The following CYTH1 variants were observed in gnomAD, a reference collection of about 807,000 sequenced individuals.
The protein encoded by CYTH1 is cytohesin 1.
In CYTH1, 18 loss-of-function variants were observed where a neutral mutation model predicts 61.8. The observed-to-expected ratio is 0.29, with a 90% CI of 0.20 to 0.43. The LOEUF (loss-of-function observed/expected upper bound fraction) is 0.43, where lower values mean the gene tolerates loss of function less well. CYTH1 is among the 20% of genes least tolerant of loss of function. The pLI, the probability that CYTH1 is intolerant of heterozygous loss-of-function variation, is 1.00. For missense variants in CYTH1, 336 were observed against 510.5 expected, an observed-to-expected ratio of 0.66 and a Z score of 3.29; for synonymous variants, 174 against 184.3, an observed-to-expected ratio of 0.94 and a Z score of 0.45.
intron 10 of CYTH1, among the ~76,000 whole-genome samples, chr17:78,695,059 C>T (rs1252939277): frequency 3.3e-5 from 5 of 152,076 alleles, no homozygotes; most frequent in Admixed American, 6.5e-5. Flanking sequence ...TGAGAACAAC[C>T]TGACAAGTCC....
intron 1 of CYTH1, among the ~76,000 whole-genome samples, chr17:78,733,615 G>A (rs1272651742): frequency 6.6e-6 from 1 of 152,258 alleles, no homozygotes; most frequent in Non-Finnish European, 1.5e-5. Flanking sequence ...ATGTAAGCCC[G>A]TAGCAGCAGC....
intron 1 of CYTH1, among the ~76,000 whole-genome samples, chr17:78,752,382 A>G (rs1400420880): frequency 6.6e-6 from 1 of 152,212 alleles, no homozygotes; most frequent in African/African-American, 2.4e-5. Flanking sequence ...ATCAATAAAG[A>G]GTACCAGGGC....
chr17:78,712,776 G>A (rs1318049963), intron 1 of CYTH1, among the ~76,000 whole-genome samples: 2 of 152,058 alleles, frequency 1.3e-5, no homozygotes, highest in African/African-American at 2.4e-5. Flanking sequence ...TTCCTTTAGA[G>A]GCTGGAAGAG....
chr17:78,685,124 G>A (rs1158114496), intron 11 of CYTH1, among the ~76,000 whole-genome samples: 1 of 151,226 alleles, frequency 6.6e-6, no homozygotes, highest in African/African-American at 2.4e-5. Flanking sequence ...TCTTGAATCC[G>A]GGAGGCGGAG....
chr17:78,686,831 G>A (rs1174158888), intron 11 of CYTH1, among the ~76,000 whole-genome samples: 1 of 152,070 alleles, frequency 6.6e-6, no homozygotes, highest in Non-Finnish European at 1.5e-5. Context: ...GCCCAGGCTG[G>A]AGTGCAATGG....
chr17:78,676,284 C>A lies in CYTH1; in HGVS notation c.1119-115G>T, dbSNP rs143867049. 5.6e-4 allele frequency: 544 copies of A among 974,018 alleles called. 7 individuals carry two copies. The African/African-American group carries it at 7.7e-3, about 14-fold the overall frequency. 60.3% of individuals were successfully genotyped at this position (974,018 alleles called of 1,614,324 possible). The stretch of plus-strand genomic sequence containing the variant: ...GCCCCAGAACACCTGTCCCACCCCA[C>A]CATCACTGCAAAGGCCAAGTTAGCG... On this transcript the variant is annotated intron_variant, in intron 13 of 13. Coordinates refer to ENST00000446868, the MANE Select transcript of CYTH1 (RefSeq NM_004762.6).
intron 13 of CYTH1, among the ~76,000 whole-genome samples, chr17:78,679,055 G>T (rs1418371071): frequency 6.6e-6 from 1 of 152,166 alleles, no homozygotes; most frequent in African/African-American, 2.4e-5. Flanking sequence ...TCAGTTTTAA[G>T]GTATTTAGCT....
intron 1 of CYTH1, among the ~76,000 whole-genome samples, chr17:78,749,453 C>A (rs1426633014): frequency 1.3e-5 from 2 of 151,914 alleles, no homozygotes; most frequent in African/African-American, 4.8e-5. Flanking sequence ...GATTGAGACT[C>A]CATCCCCCCT....
chr17:78,700,202 TA>T lies in CYTH1; in HGVS notation c.550+128del. The T allele has an allele frequency of 1.3e-6, 1 of 781,516 alleles. No homozygotes were observed. Among genetic ancestry groups the T allele is most frequent in the Non-Finnish European group, 2.0e-6 (1 of 506,674 alleles). The allele number at this position is 781,516 out of a possible 1,614,324, so 48.4% of individuals were successfully genotyped here. A position where few individuals can be genotyped will look rare whatever the true frequency, so the allele number is the denominator to read the frequency against. ...CAGGTTATTTCCAACATTTTACTAT[TA>T]TAACTATCATTGAGTAAACGTTCCT... On this transcript the variant is annotated intron_variant, in intron 7 of 13. Transcript: ENST00000446868. This position sits in a 1 kb window ranked among gnomAD's most constrained non-coding sequence, Gnocchi z 5.1.
intron 1 of CYTH1, among the ~76,000 whole-genome samples, chr17:78,763,183 A>C (rs190198752): frequency 2.0e-5 from 3 of 152,162 alleles, no homozygotes; most frequent in African/African-American, 7.2e-5. Context: ...GTCTCTACTA[A>C]AAATACAAAA....
chr17:78,736,770 A>G (rs2093322236), intron 1 of CYTH1: 3 of 370,446 alleles, frequency 8.1e-6, no homozygotes, highest in Non-Finnish European at 1.7e-5. Context: ...CTTCCAGGAG[A>G]GCGGTAACTT....
chr17:78,776,108 T>C, intron 1 of CYTH1, among the ~76,000 whole-genome samples: 1 of 152,062 alleles, frequency 6.6e-6, no homozygotes, highest in East Asian at 1.9e-4. Context: ...TGAGCTAAGA[T>C]CACGCCACTG....
intron 11 of CYTH1, among the ~76,000 whole-genome samples, chr17:78,688,772 G>A (rs1415513902): frequency 6.6e-6 from 1 of 152,244 alleles, no homozygotes; most frequent in East Asian, 1.9e-4. Flanking sequence ...CGGTGAGGCA[G>A]TTTTGAAGCT....
At chr17:78,749,935 G>C (rs149756766) in intron 1 of CYTH1, among the ~76,000 whole-genome samples, 2 of 152,216 alleles carry the variant, frequency 1.3e-5, no homozygotes, top group Middle Eastern at 3.4e-3. Context: ...GAAATACCAA[G>C]TGCTCCTAAA....
chr17:78,726,750 C>T (rs182875944), intron 1 of CYTH1, among the ~76,000 whole-genome samples: 6 of 151,576 alleles, frequency 4.0e-5, no homozygotes, highest in Non-Finnish European at 8.8e-5. Context: ...TTGAGTTGGG[C>T]GAGAGATAAA....
intron 1 of CYTH1, among the ~76,000 whole-genome samples, chr17:78,731,181 T>C (rs979809218): frequency 1.3e-5 from 2 of 152,190 alleles, no homozygotes; most frequent in South Asian, 2.1e-4. Context: ...ACAGTGGCTG[T>C]TGAAACTTAA....
chr17:78,773,835 C>T (rs544280607), intron 1 of CYTH1, among the ~76,000 whole-genome samples: 19 of 152,236 alleles, frequency 1.2e-4, no homozygotes, highest in African/African-American at 4.1e-4. Flanking sequence ...AAAACTGATA[C>T]ACATTTTCCC....
At chr17:78,676,264 A>T in intron 13 of CYTH1, 95 bp from the exon 14 acceptor site, 1 of 1,213,368 alleles carries the variant, frequency 8.2e-7, no homozygotes, top group Non-Finnish European at 1.2e-6. Flanking sequence ...CTCGTGCCCC[A>T]GAACACCTGT....
intron 1 of CYTH1, among the ~76,000 whole-genome samples, chr17:78,727,114 G>A (rs187298807): frequency 3.9e-5 from 6 of 152,248 alleles, no homozygotes; most frequent in African/African-American, 9.6e-5. Context: ...TTCAAATCTC[G>A]CAGTTTCATC....
Sources: allele counts gnomAD v4.1 joint callset (sites outside exome capture counted in the v4.1 genomes callset), GRCh38; gene constraint gnomAD v4.1.1; non-coding constraint Gnocchi (gnomAD v3.1); transcripts MANE v1.5; gene names NCBI Gene and HGNC (gene_info 2026-07-23, HGNC 2026-07-21).